The following WAPL variants were observed in gnomAD, a reference collection of about 807,000 sequenced individuals.
WAPL encodes the protein wings apart-like protein homolog.
WAPL carries 5 observed loss-of-function variants against 121.0 expected under a neutral mutation model. The ratio of observed to expected loss-of-function variants is 0.04; its 90% CI spans 0.02 to 0.09. The LOEUF (loss-of-function observed/expected upper bound fraction) is 0.09, where lower values mean the gene tolerates loss of function less well. WAPL is among the 10% of genes least tolerant of loss of function. WAPL has a pLI of 1.00. For missense variants in WAPL, 999 were observed against 1,410.8 expected (o/e 0.71, Z 4.68); for synonymous variants, 480 against 481.5 (o/e 1.00, Z 0.04).
At chr10:86,495,988 C>CTA (rs1842142742) in intron 4 of WAPL, among the ~76,000 whole-genome samples, 1 of 152,122 alleles carries the variant, frequency 6.6e-6, no homozygotes, top group Non-Finnish European at 1.5e-5. Flanking sequence ...GTGTCACATG[C>CTA]GTGTAATCCC....
chr10:86,510,902 C>T (rs567289132), intron 2 of WAPL, among the ~76,000 whole-genome samples: 8 of 152,104 alleles, frequency 5.3e-5, no homozygotes, highest in East Asian at 1.9e-4. Context: ...AATCATGGCT[C>T]GCTGCTGCCC....
chr10:86,485,143 G>A (rs1388819629), intron 4 of WAPL, among the ~76,000 whole-genome samples: 1 of 141,452 alleles, frequency 7.1e-6, no homozygotes, highest in Non-Finnish European at 1.5e-5. Context: ...GTGCTTTCCA[G>A]CTCCTGATAA....
chr10:86,503,798 G>T (rs1208603719), intron 2 of WAPL, among the ~76,000 whole-genome samples: 2 of 151,662 alleles, frequency 1.3e-5, no homozygotes, highest in Non-Finnish European at 2.9e-5. Flanking sequence ...ATCATTAGTT[G>T]CTAGGGAAAC....
At chr10:86,503,151 CTG>C (rs565906904) in intron 2 of WAPL, among the ~76,000 whole-genome samples, 142 of 152,226 alleles carry the variant, frequency 9.3e-4, no homozygotes, top group Non-Finnish European at 1.6e-3. Context: ...GAGCGAGACT[CTG>C]TTTAAAAGAA....
chr10:86,492,668 G>A (rs1201444154), intron 4 of WAPL, among the ~76,000 whole-genome samples: 1 of 152,122 alleles, frequency 6.6e-6, no homozygotes, highest in Non-Finnish European at 1.5e-5. Context: ...CTTTAATGCA[G>A]TGAGGCAACA....
At chr10:86,504,522 A>G (rs1299656758) in intron 2 of WAPL, among the ~76,000 whole-genome samples, 2 of 147,724 alleles carry the variant, frequency 1.4e-5, no homozygotes, top group South Asian at 2.2e-4. Context: ...TAAAAAATAC[A>G]AAAAATTAGC....
chr10:86,503,032 C>G (rs1015802115), intron 2 of WAPL, among the ~76,000 whole-genome samples: 8 of 151,946 alleles, frequency 5.3e-5, no homozygotes, highest in Non-Finnish European at 5.9e-5. Context: ...GTGGCGGGCG[C>G]CTGTAGTCCC....
intron 16 of WAPL, among the ~76,000 whole-genome samples, chr10:86,444,312 A>G (rs558748049): frequency 5.1e-4 from 77 of 152,348 alleles, no homozygotes; most frequent in South Asian, 3.7e-3. Context: ...TAAAACACAC[A>G]GTTACATACA....
At chr10:86,451,053 A>G (rs886558583) in intron 15 of WAPL, among the ~76,000 whole-genome samples, 2 of 152,164 alleles carry the variant, frequency 1.3e-5, no homozygotes, top group African/African-American at 4.8e-5. Context: ...AGATCAGACG[A>G]GTAAATAAAT....
chr10:86,450,304 C>T (rs372943694), intron 15 of WAPL, among the ~76,000 whole-genome samples: 24 of 152,252 alleles, frequency 1.6e-4, no homozygotes, highest in African/African-American at 4.6e-4. Context: ...ACTGTAATCA[C>T]GGCTCACGAC....
chr10:86,506,207 T>C (rs528889554), intron 2 of WAPL, among the ~76,000 whole-genome samples: 2 of 152,176 alleles, frequency 1.3e-5, no homozygotes, highest in South Asian at 4.1e-4. Context: ...TGTACTCCAG[T>C]CTGGGCAACA....
At chr10:86,448,321 T>C (rs1031132990) in intron 15 of WAPL, among the ~76,000 whole-genome samples, 7 of 151,676 alleles carry the variant, frequency 4.6e-5, no homozygotes, top group Admixed American at 4.6e-4. Context: ...CGTGGTGGCA[T>C]GTGCCTGTAG....
At chr10:86,455,107 T>TG (rs1381613243) in intron 12 of WAPL, among the ~76,000 whole-genome samples, 30 of 103,706 alleles carry the variant, frequency 2.9e-4, no homozygotes, top group East Asian at 9.2e-4. Context: ...GTCCAGGAGG[T>TG]GGGGGGGTGC....
intron 2 of WAPL, among the ~76,000 whole-genome samples, chr10:86,508,983 T>C (rs1842405687): frequency 6.6e-6 from 1 of 152,082 alleles, no homozygotes; most frequent in South Asian, 2.1e-4. Context: ...GACCTCGTGA[T>C]CCGCCCGCCT....
At chr10:86,483,505 T>C (rs1040151514) in intron 4 of WAPL, among the ~76,000 whole-genome samples, 3 of 152,148 alleles carry the variant, frequency 2.0e-5, no homozygotes, top group Non-Finnish European at 4.4e-5. Flanking sequence ...TAGCAGTTAC[T>C]GGTTTATGTA....
In WAPL at chr10:86,437,311, A is replaced by C. The variant is rs753668641; in HGVS notation, c.*232T>G. 5 of 501,586 alleles carry C rather than the reference A, an allele frequency of 1.0e-5. No homozygotes were observed. Among genetic ancestry groups the C allele is most frequent in the Non-Finnish European group, 1.7e-5 (5 of 285,714 alleles). 31.1% of individuals were successfully genotyped at this position (501,586 alleles called of 1,614,324 possible). On this transcript the variant is annotated 3_prime_UTR_variant, in exon 19 of 19. Coordinates refer to ENST00000298767, the MANE Select transcript of WAPL (RefSeq NM_015045.5). ...TATTTAAATACTGCATGGAATTGTT[A>C]ACAGCCTGAACCTTTTCCCCTCATT... is the stretch of plus-strand genomic sequence containing the variant.
At position 86,472,564 on chromosome 10, in the gene WAPL, A is replaced by C; in HGVS notation, c.1893+48T>G. 1 of 1,591,392 alleles carries C rather than the reference A, an allele frequency of 6.3e-7. No homozygotes were observed. ...AAGATATTAAATGGCTAAATGTTACATACAAAAATCTATCAACATGCAGTA... is the reference window on the plus strand; with the variant it reads ...AAGATATTAAATGGCTAAATGTTACCTACAAAAATCTATCAACATGCAGTA... On this transcript the variant is annotated intron_variant, in intron 6 of 18. Transcript: ENST00000298767. This position sits in a 1 kb window ranked among gnomAD's most constrained non-coding sequence, Gnocchi z 4.2.
In WAPL at chr10:86,438,992, C is replaced by T. The variant is rs552139145; in HGVS notation, c.3412-977G>A. On this transcript the variant is annotated intron_variant, in intron 17 of 18. Transcript: ENST00000298767. ...AGAAAAAATCTTTTAGGAAGGTTCA[C>T]CTGTAGTAAGGGGCAAAAGAAAGTA... Among the ~76,000 whole-genome samples the T allele has an allele frequency of 1.3e-3, 202 of 152,232 alleles. 1 individual carries two copies. The highest frequency in any genetic ancestry group is 2.0e-3 in the Non-Finnish European group (134 of 68,022).
Position 86,472,092 on chromosome 10 carries a change from A to G in WAPL, c.2030+116T>C. The G allele has an allele frequency of 2.2e-6, 2 of 919,946 alleles. No homozygotes were observed. The highest frequency in any genetic ancestry group is 2.4e-5 in the South Asian group (1 of 41,738). The allele number at this position is 919,946 out of a possible 1,614,324, so 57.0% of individuals were successfully genotyped here. On this transcript the variant is annotated intron_variant, in intron 7 of 18. Transcript: ENST00000298767. The surrounding 1 kb of genome is among the most constrained non-coding windows in gnomAD (Gnocchi z 4.2). ...ATAGCATTTTAACATATCACTGGCT[A>G]TACATACTACCCCATCATAACAAAA...
Sources: allele counts gnomAD v4.1 joint callset (sites outside exome capture counted in the v4.1 genomes callset), GRCh38; gene constraint gnomAD v4.1.1; non-coding constraint Gnocchi (gnomAD v3.1); transcripts MANE v1.5; gene names NCBI Gene and HGNC (gene_info 2026-07-23, HGNC 2026-07-21).